The following HELQ variants were observed in gnomAD, a reference collection of about 807,000 sequenced individuals.
HELQ encodes helicase POLQ-like.
In HELQ, 77 loss-of-function variants were observed where a neutral mutation model predicts 111.6. The observed-to-expected ratio is 0.69, with a 90% CI of 0.57 to 0.83. The LOEUF is 0.83. Ranked by LOEUF, HELQ falls within the 40% of genes least tolerant of loss-of-function variation. HELQ has a pLI of 0.00. For synonymous variants in HELQ, 438 were observed against 454.7 expected, an observed-to-expected ratio of 0.96 and a Z score of 0.47; for missense variants, 1,200 against 1,288.5, an observed-to-expected ratio of 0.93 and a Z score of 1.05.
At chr4:83,419,043 A>G (rs1298981607) in intron 15 of HELQ, among the ~76,000 whole-genome samples, 1 of 152,238 alleles carries the variant, frequency 6.6e-6, no homozygotes, top group Non-Finnish European at 1.5e-5. Flanking sequence ...AACTTTTTAA[A>G]ATAAAAAATA....
chr4:83,451,884 T>C (rs1721396348), intron 2 of HELQ, among the ~76,000 whole-genome samples: 1 of 152,224 alleles, frequency 6.6e-6, no homozygotes, highest in Non-Finnish European at 1.5e-5. Flanking sequence ...GAGTCTTTTA[T>C]TAGACTTTGT....
chr4:83,452,349 G>A (rs1721432045), intron 2 of HELQ, among the ~76,000 whole-genome samples: 1 of 152,002 alleles, frequency 6.6e-6, no homozygotes, highest in African/African-American at 2.4e-5. Flanking sequence ...GAAGCCAAAA[G>A]ATTGGACATC....
In HELQ at chr4:83,419,935, T is replaced by C. The variant is rs537355119; in HGVS notation, c.2949+1628A>G. Among the ~76,000 whole-genome samples the C allele has an allele frequency of 7.2e-5, 11 of 152,280 alleles. No individual in the cohort carries two copies. In the South Asian group the frequency reaches 2.3e-3, roughly 32 times the overall value. ...TCATTAGCACATATGATAGAATTAA[T>C]TGCCATATACATATACAGAATATGA... On this transcript the variant is annotated intron_variant, in intron 15 of 17. Coordinates refer to ENST00000295488, the MANE Select transcript of HELQ (RefSeq NM_133636.5).
intron 4 of HELQ, 68 bp from the exon 5 acceptor site, chr4:83,446,154 A>G (rs1721035472): frequency 1.3e-5 from 13 of 1,032,610 alleles, no homozygotes; most frequent in Middle Eastern, 2.1e-4. Flanking sequence ...AAACATGCAT[A>G]TATTCATATG....
At chr4:83,424,808 G>A (rs1719756971) in intron 14 of HELQ, among the ~76,000 whole-genome samples, 1 of 152,050 alleles carries the variant, frequency 6.6e-6, no homozygotes. Flanking sequence ...GCCCACCTCG[G>A]CCTCCCAAAG....
At chr4:83,412,196 T>C (rs1001499649) in intron 17 of HELQ, among the ~76,000 whole-genome samples, 5 of 152,216 alleles carry the variant, frequency 3.3e-5, no homozygotes, top group African/African-American at 1.2e-4. Context: ...GAGAGTATAC[T>C]ATGGTTATCC....
chr4:83,448,723 G>T, intron 3 of HELQ, 60 bp downstream of exon 3: 7 of 1,298,506 alleles, frequency 5.4e-6, no homozygotes, highest in Non-Finnish European at 7.6e-6. Context: ...CACATTTACA[G>T]ATCTTAACGT....
At chr4:83,416,621 A>G (rs1739372168) in intron 17 of HELQ, 110 bp downstream of exon 17, 2 of 1,060,326 alleles carry the variant, frequency 1.9e-6, no homozygotes, top group Admixed American at 2.4e-5. Context: ...TTTTGTATCT[A>G]TAGAAATAAA....
At chr4:83,413,580 A>T (rs1219015135) in intron 17 of HELQ, among the ~76,000 whole-genome samples, 2 of 152,222 alleles carry the variant, frequency 1.3e-5, no homozygotes, top group African/African-American at 2.4e-5. Context: ...CACTCTTCTC[A>T]TGAAGAGGTG....
intron 2 of HELQ, among the ~76,000 whole-genome samples, chr4:83,452,149 A>AGTT (rs1721414158): frequency 3.9e-5 from 6 of 152,360 alleles, no homozygotes; most frequent in Non-Finnish European, 5.9e-5. Flanking sequence ...TGCACTTAAA[A>AGTT]CAAGTTTGTC....
chr4:83,407,684 A>C (rs1738866874), intron 17 of HELQ, 124 bp from the exon 18 acceptor site: 1 of 629,558 alleles, frequency 1.6e-6, no homozygotes, highest in African/African-American at 1.9e-5. Flanking sequence ...TAAAACTATA[A>C]TGAGATTGAA....
intron 8 of HELQ, among the ~76,000 whole-genome samples, chr4:83,437,603 T>TAAA (rs11337269): frequency 1.0e-5 from 1 of 97,908 alleles, no homozygotes; most frequent in African/African-American, 3.5e-5. Flanking sequence ...AAGCCTTGTC[T>TAAA]AAAAAAAAAA....
chr4:83,445,600 A>C (rs1721007429), intron 5 of HELQ, among the ~76,000 whole-genome samples: 1 of 152,082 alleles, frequency 6.6e-6, no homozygotes, highest in Non-Finnish European at 1.5e-5. Flanking sequence ...TATTTATGTT[A>C]TATGTATTAT....
At chr4:83,408,308 G>T (rs1738899126) in intron 17 of HELQ, among the ~76,000 whole-genome samples, 1 of 152,074 alleles carries the variant, frequency 6.6e-6, no homozygotes, top group South Asian at 2.1e-4. Context: ...CTGGAGCACG[G>T]TGGCGTGATC....
chr4:83,418,029 A>G, intron 16 of HELQ, 64 bp downstream of exon 16: 1 of 855,842 alleles, frequency 1.2e-6, no homozygotes, highest in South Asian at 1.8e-5. Flanking sequence ...TTCAGAAAAT[A>G]ATAAAACCTG....
intron 2 of HELQ, among the ~76,000 whole-genome samples, chr4:83,452,286 G>A (rs1721427363): frequency 6.6e-6 from 1 of 151,524 alleles, no homozygotes; most frequent in Non-Finnish European, 1.5e-5. Flanking sequence ...CAGCTATCGT[G>A]TTACTGTATT....
At chr4:83,439,446 G>A (rs1235234005) in intron 8 of HELQ, among the ~76,000 whole-genome samples, 1 of 150,760 alleles carries the variant, frequency 6.6e-6, no homozygotes, top group Admixed American at 6.7e-5. Flanking sequence ...TGCAACCTCC[G>A]CCTCCCGGGT....
At position 83,453,285 on chromosome 4, in the gene HELQ, G is replaced by A. The variant is rs371028935; in HGVS notation, c.958C>T (p.Pro320Ser). Residue 320 changes from proline to serine, a missense_variant, in exon 2 of 18, where the codon CCC becomes TCC. Physicochemically the swap from Pro to Ser is moderately conservative, Grantham distance 74 (BLOSUM62 -1). This residue lies in a region of HELQ where 610 missense variants were observed against 607.1 expected (regional missense o/e 1.00). Coordinates refer to ENST00000295488, the MANE Select transcript of HELQ (RefSeq NM_133636.5). Reference protein sequence around the residue: ...SNDLGPFYSLPSKVRDLYAQF... With the variant: ...SNDLGPFYSLSSKVRDLYAQF... ...GCATAAAGGTCTCTCACTTTGCTGG[G>A]TAATGAATAAAAAGGACCAAGGTCA... 20 of 1,613,446 alleles carry A rather than the reference G, an allele frequency of 1.2e-5. No homozygotes were observed. In the African/African-American group the frequency reaches 2.7e-4, roughly 22 times the overall value.
At chr4:83,442,614 T>C (rs765203123) in intron 6 of HELQ, among the ~76,000 whole-genome samples, 8 of 150,224 alleles carry the variant, frequency 5.3e-5, no homozygotes, top group Non-Finnish European at 1.0e-4. Context: ...GGTTTCACCA[T>C]GTTGGCCAGG....
Sources: allele counts gnomAD v4.1 joint callset (sites outside exome capture counted in the v4.1 genomes callset), GRCh38; gene constraint gnomAD v4.1.1; regional missense constraint gnomAD v4.1.1; transcripts MANE v1.5; gene names NCBI Gene and HGNC (gene_info 2026-07-23, HGNC 2026-07-21).